The following CEP112 variants were observed in gnomAD, a reference collection of about 807,000 sequenced individuals.
CEP112 encodes centrosomal protein 112.
In CEP112, 127 loss-of-function variants were observed where a neutral mutation model predicts 153.0. The observed-to-expected ratio is 0.83, with a 90% CI of 0.72 to 0.96. The LOEUF is 0.96. Among genes scored for constraint, CEP112 ranks in the 40% least tolerant of loss-of-function variants. CEP112 has a pLI of 0.00. For synonymous variants in CEP112, 358 were observed against 374.4 expected (o/e 0.96, Z 0.51); for missense variants, 1,089 against 1,101.2 (o/e 0.99, Z 0.16).
chr17:65,821,345 C>T (rs2056523895), intron 21 of CEP112, among the ~76,000 whole-genome samples: 2 of 149,456 alleles, frequency 1.3e-5, no homozygotes, highest in Admixed American at 6.7e-5. Flanking sequence ...ACACAAAGTT[C>T]AAAATATACT....
chr17:65,981,395 C>T (rs536954559), intron 17 of CEP112, among the ~76,000 whole-genome samples: 1 of 152,306 alleles, frequency 6.6e-6, no homozygotes, highest in South Asian at 2.1e-4. Flanking sequence ...TAATAGCCAA[C>T]ATATCTATGA....
chr17:65,814,148 G>C lies in CEP112; in HGVS notation c.2394+37656C>G, dbSNP rs561671142. ...AAGGCAAGAGTAGAATCTGTTCAGA[G>C]AGGTTACTTGTCTAGGGCTGCTTAG... On this transcript the variant is annotated intron_variant, in intron 21 of 26. Coordinates refer to ENST00000535342, the MANE Select transcript of CEP112 (RefSeq NM_001199165.4). Among the ~76,000 whole-genome samples, 5 of 152,300 alleles carry C rather than the reference G, an allele frequency of 3.3e-5. No homozygotes were observed. In the South Asian group the frequency reaches 1.0e-3, roughly 32 times the overall value.
intron 19 of CEP112, among the ~76,000 whole-genome samples, chr17:65,911,225 G>A (rs2060270834): frequency 6.6e-6 from 1 of 152,176 alleles, no homozygotes; most frequent in African/African-American, 2.4e-5. Flanking sequence ...TCCTGGTGGT[G>A]AGCACATAAT....
chr17:65,926,982 T>C (rs73346892), intron 19 of CEP112, among the ~76,000 whole-genome samples: 5,714 of 152,230 alleles, frequency 0.038, 322 homozygotes, highest in African/African-American at 0.12. Context: ...AATCTCATGT[T>C]GAAATGTAAT....
chr17:65,966,548 A>C (rs1351280406), intron 17 of CEP112, among the ~76,000 whole-genome samples: 3 of 152,232 alleles, frequency 2.0e-5, no homozygotes. Context: ...ACTTCAAACA[A>C]GTCTGAAAAA....
At chr17:66,008,119 T>C (rs1264507566) in intron 16 of CEP112, among the ~76,000 whole-genome samples, 2 of 152,168 alleles carry the variant, frequency 1.3e-5, no homozygotes. Context: ...ACATGGTGTT[T>C]TTAAAATTTA....
intron 8 of CEP112, among the ~76,000 whole-genome samples, chr17:66,087,629 T>C (rs1332026096): frequency 6.6e-6 from 1 of 152,140 alleles, no homozygotes; most frequent in East Asian, 1.9e-4. Context: ...AAAAATCAAT[T>C]TGAACATAAA....
At chr17:66,057,556 G>A (rs887694301) in intron 11 of CEP112, among the ~76,000 whole-genome samples, 5 of 152,108 alleles carry the variant, frequency 3.3e-5, no homozygotes, top group African/African-American at 1.2e-4. Flanking sequence ...GACTTAAGGT[G>A]AGAGACATAG....
intron 4 of CEP112, among the ~76,000 whole-genome samples, chr17:66,156,413 T>TGA (rs978159006): frequency 2.0e-5 from 3 of 151,936 alleles, no homozygotes; most frequent in Non-Finnish European, 2.9e-5. Flanking sequence ...GATAAAGCCA[T>TGA]GAAGATGAGG....
Position 65,763,968 on chromosome 17 carries a change from G to A in CEP112, c.2395-13244C>T, listed in dbSNP as rs546724235. On this transcript the variant is annotated intron_variant, in intron 21 of 26. Transcript: ENST00000535342. ...GTGGTGGTAACGTGTTAGGGAAGAGGAAGTATTCTACAGTCCTATAACTAG... is the reference window on the plus strand; with the variant it reads ...GTGGTGGTAACGTGTTAGGGAAGAGAAAGTATTCTACAGTCCTATAACTAG... Among the ~76,000 whole-genome samples, 7 of 152,150 alleles carry A rather than the reference G, an allele frequency of 4.6e-5. No homozygotes were observed. In the South Asian group the frequency reaches 1.5e-3, roughly 32 times the overall value.
chr17:66,051,015 C>T (rs1419878093), intron 12 of CEP112, among the ~76,000 whole-genome samples: 1 of 151,930 alleles, frequency 6.6e-6, no homozygotes, highest in Non-Finnish European at 1.5e-5. Context: ...TTTTTGGATC[C>T]ATTGCCCAAG....
chr17:65,825,364 A>G (rs374173890), intron 21 of CEP112, among the ~76,000 whole-genome samples: 2 of 152,176 alleles, frequency 1.3e-5, no homozygotes, highest in African/African-American at 4.8e-5. Flanking sequence ...GGGATGAAAC[A>G]GTTCCACCTC....
chr17:66,120,802 C>T (rs1042599421), intron 6 of CEP112, among the ~76,000 whole-genome samples: 1 of 152,094 alleles, frequency 6.6e-6, no homozygotes, highest in Non-Finnish European at 1.5e-5. Flanking sequence ...CTTAAAAATC[C>T]AGCTTTTGGT....
intron 12 of CEP112, among the ~76,000 whole-genome samples, chr17:66,044,148 CATGACTTT>C: frequency 6.6e-6 from 1 of 152,090 alleles, no homozygotes; most frequent in South Asian, 2.1e-4. Flanking sequence ...GGCTCCAAAG[CATGACTTT>C]TCTTTTTATC....
chr17:65,825,882 G>C (rs1188706272), intron 21 of CEP112, among the ~76,000 whole-genome samples: 1 of 152,106 alleles, frequency 6.6e-6, no homozygotes, highest in Non-Finnish European at 1.5e-5. Flanking sequence ...ACCTCTTCCA[G>C]AAAGTTCTGC....
chr17:65,852,655 T>C (rs2058004483), intron 20 of CEP112, among the ~76,000 whole-genome samples: 1 of 151,774 alleles, frequency 6.6e-6, no homozygotes, highest in Non-Finnish European at 1.5e-5. Context: ...AAATGGAATA[T>C]TACATGTATT....
At position 66,166,554 on chromosome 17, in the gene CEP112, CTTT is replaced by C. The variant is rs200909150; in HGVS notation, c.470+8487_470+8489del. On this transcript the variant is annotated intron_variant, in intron 4 of 26. Coordinates refer to ENST00000535342, the MANE Select transcript of CEP112 (RefSeq NM_001199165.4). ...GAATACAACCTATTACTTTTGTGTT[CTTT>C]GAGATAAAGCATGAAGAATATATAG... Among the ~76,000 whole-genome samples, 195 of 152,108 alleles carry C rather than the reference CTTT, an allele frequency of 1.3e-3. 5 individuals are homozygous for C. The East Asian group carries it at 0.035, about 27-fold the overall frequency.
In CEP112 at chr17:66,155,941, C is replaced by A. The variant is rs187603384; in HGVS notation, c.470+19103G>T. Among the ~76,000 whole-genome samples the A allele has an allele frequency of 2.6e-5, 4 of 152,194 alleles. No homozygotes were observed. The East Asian group carries it at 7.7e-4, about 29-fold the overall frequency. On this transcript the variant is annotated intron_variant, in intron 4 of 26. Coordinates refer to ENST00000535342, the MANE Select transcript of CEP112 (RefSeq NM_001199165.4). The stretch of plus-strand genomic sequence containing the variant: ...GGGACAGAGCACCTGGGGGAAGGGG[C>A]GGCTGTGGGCGCAGCTCCAGAAGAC...
At chr17:65,882,543 T>G (rs542121714) in intron 20 of CEP112, among the ~76,000 whole-genome samples, 2 of 152,350 alleles carry the variant, frequency 1.3e-5, no homozygotes, top group African/African-American at 4.8e-5. Flanking sequence ...TAAAGCAATC[T>G]CTGCAGCATA....
Sources: allele counts gnomAD v4.1 joint callset (sites outside exome capture counted in the v4.1 genomes callset), GRCh38; gene constraint gnomAD v4.1.1; transcripts MANE v1.5; gene names NCBI Gene and HGNC (gene_info 2026-07-23, HGNC 2026-07-21).